Variants in PRR16 observed in about 807,000 individuals in gnomAD.
PRR16 encodes the protein protein Largen.
In PRR16, 6 loss-of-function variants were observed where a neutral mutation model predicts 18.2. The ratio of observed to expected loss-of-function variants is 0.33; its 90% CI spans 0.18 to 0.65. The LOEUF is 0.65. PRR16 is among the 30% of genes least tolerant of loss of function. The probability of loss-of-function intolerance (pLI) is 0.74; values close to 1 mark genes in which losing one functional copy is unlikely to be tolerated. For missense variants in PRR16, 412 were observed against 376.6 expected (o/e 1.09, Z -0.78); for synonymous variants, 151 against 147.8 (o/e 1.02, Z -0.16).
At chr5:120,700,492 T>G in the PRR16 span, among the ~76,000 whole-genome samples, 1 of 151,688 alleles carries the variant, frequency 6.6e-6, no homozygotes. Context: ...TGAAGAAGGG[T>G]GGCAATGAGA....
the PRR16 span, among the ~76,000 whole-genome samples, chr5:120,708,411 C>G: frequency 6.6e-6 from 1 of 152,084 alleles, no homozygotes; most frequent in Non-Finnish European, 1.5e-5. Context: ...TGCTTTTATC[C>G]TCTTTTTATA....
intron 1 of PRR16, among the ~76,000 whole-genome samples, chr5:120,616,054 C>T (rs995138668): frequency 2.6e-5 from 4 of 152,148 alleles, no homozygotes; most frequent in Non-Finnish European, 4.4e-5. Flanking sequence ...TCTCAACCCC[C>T]ACCCCAAACT....
intron 1 of PRR16, among the ~76,000 whole-genome samples, chr5:120,666,897 C>A: frequency 6.8e-6 from 1 of 146,096 alleles, no homozygotes; most frequent in Non-Finnish European, 1.5e-5. Flanking sequence ...CAATGTTCAT[C>A]AAGGATATTG....
chr5:120,635,799 C>A (rs1299579801), intron 1 of PRR16, among the ~76,000 whole-genome samples: 1 of 152,022 alleles, frequency 6.6e-6, no homozygotes, highest in Non-Finnish European at 1.5e-5. Flanking sequence ...AAAGAAAGGG[C>A]ACTCGAATCG....
At chr5:120,494,147 A>G (rs1271689672) in intron 1 of PRR16, among the ~76,000 whole-genome samples, 1 of 152,176 alleles carries the variant, frequency 6.6e-6, no homozygotes, top group Non-Finnish European at 1.5e-5. Flanking sequence ...TTTCAGTCCT[A>G]CCGTCAATGT....
intron 1 of PRR16, among the ~76,000 whole-genome samples, chr5:120,514,573 C>T (rs1488107401): frequency 6.6e-6 from 1 of 152,206 alleles, no homozygotes; most frequent in Non-Finnish European, 1.5e-5. Flanking sequence ...GATATTTCTT[C>T]TGCCAGATGT....
the PRR16 span, among the ~76,000 whole-genome samples, chr5:120,699,218 G>T: frequency 6.6e-6 from 1 of 152,128 alleles, no homozygotes; most frequent in Admixed American, 6.5e-5. Flanking sequence ...TTATTTCCTT[G>T]AGGATAGATT....
intron 1 of PRR16, among the ~76,000 whole-genome samples, chr5:120,539,827 A>T (rs1469440519): frequency 6.6e-6 from 1 of 152,038 alleles, no homozygotes; most frequent in East Asian, 1.9e-4. Flanking sequence ...CACTGTATGA[A>T]TATTAGGTTT....
the PRR16 span, among the ~76,000 whole-genome samples, chr5:120,744,464 G>A: frequency 6.6e-6 from 1 of 152,144 alleles, no homozygotes; most frequent in Non-Finnish European, 1.5e-5. Flanking sequence ...TTTCTTTCCT[G>A]CATATGCTCT....
chr5:120,570,158 A>G (rs1381371765), intron 1 of PRR16, among the ~76,000 whole-genome samples: 1 of 152,132 alleles, frequency 6.6e-6, no homozygotes, highest in African/African-American at 2.4e-5. Context: ...CATAGAAGAT[A>G]AATAAAACCC....
chr5:120,476,863 C>T (rs1438122024), intron 1 of PRR16, among the ~76,000 whole-genome samples: 1 of 152,070 alleles, frequency 6.6e-6, no homozygotes. Flanking sequence ...TTGCTGTCAC[C>T]TATTTTTCCC....
intron 1 of PRR16, among the ~76,000 whole-genome samples, chr5:120,584,561 T>C (rs1753377169): frequency 6.6e-6 from 1 of 152,228 alleles, no homozygotes; most frequent in Admixed American, 6.5e-5. Flanking sequence ...TTTATATTGA[T>C]ATTCTGTTCC....
At chr5:120,665,517 C>G (rs565729697) in intron 1 of PRR16, among the ~76,000 whole-genome samples, 4 of 152,290 alleles carry the variant, frequency 2.6e-5, no homozygotes, top group African/African-American at 7.2e-5. Context: ...GTGTTTTAGA[C>G]ATGAAGTCCT....
the PRR16 span, among the ~76,000 whole-genome samples, chr5:120,758,865 CTT>C: frequency 2.0e-5 from 3 of 151,454 alleles, no homozygotes; most frequent in Non-Finnish European, 4.4e-5. Context: ...AGTTATATAA[CTT>C]TGTCATATTT....
chr5:120,674,457 A>C (rs1055295789), intron 1 of PRR16, among the ~76,000 whole-genome samples: 2 of 152,250 alleles, frequency 1.3e-5, no homozygotes, highest in African/African-American at 4.8e-5. Flanking sequence ...TAATTTAGCC[A>C]GGAATTAAAA....
intron 1 of PRR16, among the ~76,000 whole-genome samples, chr5:120,655,725 C>CTTTTT (rs5870911): frequency 1.9e-5 from 2 of 102,790 alleles, no homozygotes; most frequent in Non-Finnish European, 4.0e-5. Flanking sequence ...TAGCAATTGA[C>CTTTTT]TTTTTTTTTT....
At chr5:120,490,144 C>T (rs2112825079) in intron 1 of PRR16, among the ~76,000 whole-genome samples, 1 of 152,168 alleles carries the variant, frequency 6.6e-6, no homozygotes, top group Non-Finnish European at 1.5e-5. Context: ...AGTTGCTGTT[C>T]TCGAGGAGTA....
At chr5:120,667,366 T>C (rs1373696334) in intron 1 of PRR16, among the ~76,000 whole-genome samples, 4 of 152,124 alleles carry the variant, frequency 2.6e-5, no homozygotes. Context: ...TTAGTCTTGC[T>C]AGTGGTCTAT....
At chr5:120,499,927 A>G (rs1750391031) in intron 1 of PRR16, among the ~76,000 whole-genome samples, 1 of 151,952 alleles carries the variant, frequency 6.6e-6, no homozygotes, top group Non-Finnish European at 1.5e-5. Context: ...GTTTCCCAAC[A>G]CTCTTCTGTT....
Sources: gnomAD v4.1 joint callset for allele counts (sites outside exome capture counted in the v4.1 genomes callset) on GRCh38, gnomAD v4.1.1 for gene constraint, MANE v1.5 for transcripts, NCBI Gene and HGNC (gene_info 2026-07-23, HGNC 2026-07-21) for gene names.